SNTG2: variants seen among roughly 807,000 people sequenced by gnomAD.
The protein encoded by SNTG2 is syntrophin gamma 2.
A neutral mutation model predicts 70.9 loss-of-function variants in SNTG2; 74 were observed. The observed-to-expected ratio is 1.04, with a 90% CI of 0.86 to 1.27. SNTG2 has a LOEUF of 1.27. Among genes scored for constraint, SNTG2 ranks in the 50% most tolerant of loss-of-function variants. The pLI is 0.00. For synonymous variants in SNTG2, 278 were observed against 273.8 expected (o/e 1.02, Z -0.15); for missense variants, 717 against 690.7 (o/e 1.04, Z -0.43).
intron 11 of SNTG2, among the ~76,000 whole-genome samples, chr2:1,242,999 T>C (rs1485979100): frequency 6.6e-6 from 1 of 152,252 alleles, no homozygotes; most frequent in Non-Finnish European, 1.5e-5. Context: ...TTGCTTAAAA[T>C]TATTTATGAA....
At chr2:1,221,038 C>G (rs1433821658) in intron 9 of SNTG2, among the ~76,000 whole-genome samples, 1 of 152,276 alleles carries the variant, frequency 6.6e-6, no homozygotes, top group Non-Finnish European at 1.5e-5. Flanking sequence ...GTTGCCTTCT[C>G]TGGGTGGAAC....
At chr2:1,206,691 C>A (rs1417635247) in intron 8 of SNTG2, among the ~76,000 whole-genome samples, 3 of 152,128 alleles carry the variant, frequency 2.0e-5, no homozygotes, top group Non-Finnish European at 2.9e-5. Context: ...CAGTCTGGAG[C>A]CAAAGCTGCA....
At chr2:1,334,864 C>T (rs936531756) in intron 16 of SNTG2, among the ~76,000 whole-genome samples, 11 of 152,016 alleles carry the variant, frequency 7.2e-5, no homozygotes, top group Non-Finnish European at 1.5e-4. Flanking sequence ...GACAGGTGCA[C>T]CAAAATCTCA....
At chr2:1,018,024 G>A (rs896365539) in intron 1 of SNTG2, among the ~76,000 whole-genome samples, 14 of 152,182 alleles carry the variant, frequency 9.2e-5, no homozygotes, top group African/African-American at 7.2e-5. Context: ...TCAGAATTTC[G>A]TGCATGTATC....
In SNTG2 at chr2:1,011,203, G is replaced by T. The variant is rs377248801; in HGVS notation, c.72+60135G>T. ...TCTGATCTAATCTCTAACGTGGCAC[G>T]GGGTGACTGAGGGCCAGGTGGGAGC... On this transcript the variant is annotated intron_variant, in intron 1 of 16. Coordinates refer to ENST00000308624, the MANE Select transcript of SNTG2 (RefSeq NM_018968.4). Among the ~76,000 whole-genome samples the T allele has an allele frequency of 1.1e-4, 16 of 152,290 alleles. 1 individual carries two copies. In the East Asian group the frequency reaches 1.7e-3, roughly 17 times the overall value.
chr2:1,073,704 G>A (rs1270516080), intron 1 of SNTG2, among the ~76,000 whole-genome samples: 1 of 152,168 alleles, frequency 6.6e-6, no homozygotes, highest in African/African-American at 2.4e-5. Flanking sequence ...TATATCCAAT[G>A]TTCCCTATTA....
intron 9 of SNTG2, among the ~76,000 whole-genome samples, chr2:1,212,037 T>TTA (rs57660578): frequency 0.18 from 27,714 of 152,006 alleles, 5,020 homozygotes; most frequent in African/African-American, 0.47. Context: ...GAGCCTCAGA[T>TTA]TGTTTCTGTT....
chr2:1,205,634 T>C (rs1673583953), intron 8 of SNTG2, among the ~76,000 whole-genome samples: 4 of 152,168 alleles, frequency 2.6e-5, no homozygotes, highest in Non-Finnish European at 4.4e-5. Context: ...TTGCTTTGAG[T>C]CTCTGAACCT....
chr2:1,122,932 AAAC>A (rs1242916875), intron 4 of SNTG2, among the ~76,000 whole-genome samples: 1 of 44,386 alleles, frequency 2.3e-5, no homozygotes, highest in East Asian at 1.7e-3. Context: ...AAAGAAATCA[AAAC>A]AATCCCATTT....
intron 1 of SNTG2, among the ~76,000 whole-genome samples, chr2:1,031,295 G>C (rs1262680646): frequency 6.6e-6 from 1 of 151,632 alleles, no homozygotes; most frequent in Non-Finnish European, 1.5e-5. Context: ...GTCTGTGCAG[G>C]GTTCTTCTCT....
At chr2:1,181,894 A>G (rs1246074600) in intron 8 of SNTG2, among the ~76,000 whole-genome samples, 1 of 152,174 alleles carries the variant, frequency 6.6e-6, no homozygotes, top group Non-Finnish European at 1.5e-5. Flanking sequence ...AATCCTTACT[A>G]AACATTTATA....
intron 15 of SNTG2, among the ~76,000 whole-genome samples, chr2:1,313,074 A>G (rs1681087133): frequency 1.3e-5 from 2 of 152,166 alleles, no homozygotes; most frequent in South Asian, 4.2e-4. Flanking sequence ...ATCTTCCATG[A>G]TCGGTGTGTT....
intron 1 of SNTG2, among the ~76,000 whole-genome samples, chr2:1,012,065 TCAAG>T (rs1020776433): frequency 3.3e-5 from 5 of 152,230 alleles, no homozygotes; most frequent in African/African-American, 1.2e-4. Flanking sequence ...TTCCTCTAAA[TCAAG>T]CAATCTCTAA....
intron 14 of SNTG2, among the ~76,000 whole-genome samples, chr2:1,277,576 CTTT>C (rs1281651952): frequency 6.6e-6 from 1 of 152,182 alleles, no homozygotes; most frequent in African/African-American, 2.4e-5. Flanking sequence ...ATTAGTAAGA[CTTT>C]TTGCTTTATT....
chr2:997,848 G>C (rs569325120), intron 1 of SNTG2, among the ~76,000 whole-genome samples: 3 of 152,130 alleles, frequency 2.0e-5, no homozygotes, highest in Non-Finnish European at 4.4e-5. Flanking sequence ...GCCCTTACCT[G>C]CATGAATCAC....
At chr2:1,076,744 A>G (rs140388646) in intron 1 of SNTG2, among the ~76,000 whole-genome samples, 1 of 152,318 alleles carries the variant, frequency 6.6e-6, no homozygotes, top group Non-Finnish European at 1.5e-5. Flanking sequence ...TAAGAAACTC[A>G]CCTTAAATTT....
At chr2:1,023,543 A>G (rs1660313871) in intron 1 of SNTG2, among the ~76,000 whole-genome samples, 2 of 150,604 alleles carry the variant, frequency 1.3e-5, no homozygotes. Context: ...TAAATGGGTA[A>G]TAGGTTATTA....
At chr2:1,094,118 T>C (rs56102075) in intron 2 of SNTG2, among the ~76,000 whole-genome samples, 7 of 119,298 alleles carry the variant, frequency 5.9e-5, no homozygotes, top group Admixed American at 1.8e-4. Flanking sequence ...CCTTCCTGGC[T>C]TGCAGGCGAA....
intron 1 of SNTG2, among the ~76,000 whole-genome samples, chr2:982,112 C>T (rs1392156459): frequency 6.6e-6 from 1 of 152,256 alleles, no homozygotes; most frequent in Non-Finnish European, 1.5e-5. Flanking sequence ...TCTCTTTTAA[C>T]AGCTGTCTTC....
Sources: allele counts gnomAD v4.1 joint callset (sites outside exome capture counted in the v4.1 genomes callset), GRCh38; gene constraint gnomAD v4.1.1; transcripts MANE v1.5; gene names NCBI Gene and HGNC (gene_info 2026-07-23, HGNC 2026-07-21).